The following CFAP54 variants were observed in gnomAD, a reference collection of about 807,000 sequenced individuals.
The protein encoded by CFAP54 is cilia and flagella associated protein 54.
In CFAP54, 290 loss-of-function variants were observed where a neutral mutation model predicts 370.4. The ratio of observed to expected loss-of-function variants is 0.78; its 90% CI spans 0.71 to 0.86. The LOEUF is 0.86. CFAP54 is among the 40% of genes least tolerant of loss of function. CFAP54 has a pLI of 0.00. For synonymous variants in CFAP54, 1,206 were observed against 1,236.5 expected (o/e 0.98, Z 0.52); for missense variants, 3,399 against 3,528.7 (o/e 0.96, Z 0.93).
At chr12:96,677,578 G>A (rs1198557342) in intron 39 of CFAP54, among the ~76,000 whole-genome samples, 4 of 152,132 alleles carry the variant, frequency 2.6e-5, no homozygotes, top group Non-Finnish European at 5.9e-5. Flanking sequence ...GCATGGCTTA[G>A]CAGAGAGGGA....
chr12:96,507,341 CA>C (rs1440436579), intron 4 of CFAP54, among the ~76,000 whole-genome samples: 1 of 151,978 alleles, frequency 6.6e-6, no homozygotes, highest in East Asian at 1.9e-4. Context: ...GTTGGGTGTT[CA>C]AAAAGCAGGG....
chr12:96,503,618 A>C (rs1329777632), intron 2 of CFAP54, among the ~76,000 whole-genome samples: 3 of 152,140 alleles, frequency 2.0e-5, no homozygotes, highest in African/African-American at 7.2e-5. Flanking sequence ...ATTACCATGC[A>C]CAGTGCCATA....
chr12:96,663,670 A>G (rs1354742743), intron 38 of CFAP54, among the ~76,000 whole-genome samples, 160 bp from the exon 39 acceptor site: 6 of 152,196 alleles, frequency 3.9e-5, no homozygotes, highest in Non-Finnish European at 2.9e-5. Flanking sequence ...TTTTTTCATG[A>G]AAGTTCTCAT....
chr12:96,689,125 T>C, intron 43 of CFAP54, 143 bp downstream of exon 43: 1 of 521,754 alleles, frequency 1.9e-6, no homozygotes, highest in Non-Finnish European at 3.3e-6. Flanking sequence ...GTCTTTCTCT[T>C]GCTGGCTGAA....
intron 39 of CFAP54, among the ~76,000 whole-genome samples, chr12:96,668,132 T>A (rs1389830735): frequency 2.0e-5 from 3 of 152,204 alleles, no homozygotes; most frequent in Non-Finnish European, 4.4e-5. Flanking sequence ...CTTTCCCACA[T>A]CTTCATTTCT....
At chr12:96,521,743 C>A in intron 6 of CFAP54, 114 bp from the exon 7 acceptor site, 1 of 733,806 alleles carries the variant, frequency 1.4e-6, no homozygotes, top group Non-Finnish European at 2.1e-6. Context: ...CAGCATTAAC[C>A]TAGAGCTTAA....
chr12:96,824,996 G>A (rs1473759327), intron 65 of CFAP54, among the ~76,000 whole-genome samples: 2 of 151,312 alleles, frequency 1.3e-5, no homozygotes. Flanking sequence ...AATTCCTTGT[G>A]TTCCTTGAAT....
At chr12:96,801,807 T>C (rs1426326464) in intron 63 of CFAP54, among the ~76,000 whole-genome samples, 1 of 152,132 alleles carries the variant, frequency 6.6e-6, no homozygotes, top group East Asian at 1.9e-4. Flanking sequence ...ACCTGACAAC[T>C]AATTTGGAGG....
intron 65 of CFAP54, among the ~76,000 whole-genome samples, chr12:96,826,602 TATG>T (rs1959108741): frequency 1.8e-5 from 2 of 109,660 alleles, no homozygotes; most frequent in Non-Finnish European, 3.3e-5. Flanking sequence ...AAATATATTA[TATG>T]ATAATATATC....
intron 19 of CFAP54, among the ~76,000 whole-genome samples, chr12:96,574,464 C>T (rs73237115): frequency 5.3e-5 from 8 of 152,064 alleles, no homozygotes; most frequent in Non-Finnish European, 1.2e-4. Flanking sequence ...ACTCTTAGCA[C>T]TAAGAGTCCT....
intron 58 of CFAP54, among the ~76,000 whole-genome samples, chr12:96,759,916 A>G (rs184369679): frequency 3.3e-5 from 5 of 152,256 alleles, no homozygotes; most frequent in African/African-American, 1.2e-4. Flanking sequence ...TCTTCTTCCT[A>G]TTTTGTTAGT....
intron 4 of CFAP54, among the ~76,000 whole-genome samples, chr12:96,510,058 G>A (rs1458710420): frequency 1.3e-5 from 2 of 151,744 alleles, no homozygotes; most frequent in African/African-American, 4.8e-5. Flanking sequence ...TGAAAGACCA[G>A]CCTGGCCAAC....
chr12:96,544,441 TC>T (rs1955615935), intron 14 of CFAP54, among the ~76,000 whole-genome samples: 1 of 145,118 alleles, frequency 6.9e-6, no homozygotes. Flanking sequence ...TCTCTCTCTC[TC>T]TGACTTTCTA....
intron 4 of CFAP54, among the ~76,000 whole-genome samples, chr12:96,509,281 G>C (rs960289613): frequency 2.0e-5 from 3 of 152,180 alleles, no homozygotes; most frequent in African/African-American, 7.2e-5. Context: ...TGAAACTTCT[G>C]GGTATCTGGT....
At chr12:96,674,724 A>C (rs1308256014) in intron 39 of CFAP54, among the ~76,000 whole-genome samples, 1 of 152,202 alleles carries the variant, frequency 6.6e-6, no homozygotes, top group Admixed American at 6.5e-5. Context: ...TATAAATAAA[A>C]ATTTTCAGAT....
At chr12:96,549,499 C>G (rs1026397153) in intron 15 of CFAP54, among the ~76,000 whole-genome samples, 8 of 152,114 alleles carry the variant, frequency 5.3e-5, no homozygotes, top group Non-Finnish European at 1.2e-4. Flanking sequence ...GTGAATTTTA[C>G]CCCCTAAAGT....
intron 51 of CFAP54, 138 bp downstream of exon 51, chr12:96,740,199 GTCC>G: frequency 1.7e-6 from 1 of 580,822 alleles, no homozygotes; most frequent in Non-Finnish European, 3.0e-6. Flanking sequence ...AAAGATTTAG[GTCC>G]TATTAATGCT....
intron 65 of CFAP54, among the ~76,000 whole-genome samples, chr12:96,826,567 A>G (rs1335776228): frequency 1.8e-5 from 2 of 109,076 alleles, no homozygotes; most frequent in African/African-American, 7.7e-5. Context: ...TATATAATAT[A>G]TAATATAGAT....
chr12:96,724,754 C>T (rs990309528), intron 50 of CFAP54, among the ~76,000 whole-genome samples: 1 of 152,128 alleles, frequency 6.6e-6, no homozygotes, highest in Admixed American at 6.5e-5. Flanking sequence ...CTTGCCCATG[C>T]CTATTTCCTG....
Sources: allele counts gnomAD v4.1 joint callset (sites outside exome capture counted in the v4.1 genomes callset), GRCh38; gene constraint gnomAD v4.1.1; transcripts MANE v1.5; gene names NCBI Gene and HGNC (gene_info 2026-07-23, HGNC 2026-07-21).